F10: variants seen among roughly 807,000 people sequenced by gnomAD.
The protein encoded by F10 is Stuart-Prower factor.
A neutral mutation model predicts 37.1 loss-of-function variants in F10; 29 were observed. That is an observed-to-expected ratio of 0.78 (90% CI 0.58 to 1.07). The LOEUF (loss-of-function observed/expected upper bound fraction) is 1.07. F10 is among the 50% of genes least tolerant of loss of function. The pLI is 0.00. For missense variants in F10, 539 were observed against 667.9 expected, an observed-to-expected ratio of 0.81 and a Z score of 2.13; for synonymous variants, 262 against 268.6, an observed-to-expected ratio of 0.98 and a Z score of 0.24.
At chr13:113,142,351 C>A (rs893799097) in intron 5 of F10, among the ~76,000 whole-genome samples, 2 of 150,462 alleles carry the variant, frequency 1.3e-5, no homozygotes, top group Admixed American at 1.3e-4. Flanking sequence ...ACCATCCTGG[C>A]CAACACAGTG....
rs377156496 is a variant in F10, at chr13:113,149,522, C to T, written c.*5C>T. 3.1e-6 allele frequency: 5 copies of T among 1,612,882 alleles called. No homozygotes were observed. The highest frequency in any genetic ancestry group is 3.4e-6 in the Non-Finnish European group (4 of 1,180,052). On this transcript the variant is annotated 3_prime_UTR_variant, in exon 8 of 8. Transcript: ENST00000375559. The surrounding 1 kb of genome is among the most constrained non-coding windows in gnomAD (Gnocchi z 7.5). The stretch of plus-strand genomic sequence containing the variant: ...ACGTCCTCTCCATTAAAGTGAGATC[C>T]CACTCAAGGCCTGGTTTGTCTCTCG...
At position 113,149,178 on chromosome 13, in the gene F10, G is replaced by A. The variant is rs776625680; in HGVS notation, c.1128G>A (p.Arg376=). 12 of 1,613,008 alleles carry A rather than the reference G, an allele frequency of 7.4e-6. No individual in the cohort carries two copies. The highest frequency in any genetic ancestry group is 1.0e-5 in the Non-Finnish European group (12 of 1,180,020). ...ACGAGAAGGGCCGGCAGTCCACCAGGCTCAAGATGCTGGAGGTGCCCTACG... is the reference window on the plus strand; with the variant it reads ...ACGAGAAGGGCCGGCAGTCCACCAGACTCAAGATGCTGGAGGTGCCCTACG... ...RTHEKGRQST[R]LKMLEVPYVD... The change falls in exon 8 of 8, where the codon AGG becomes AGA. Residue 376 remains arginine, a synonymous_variant. Transcript: ENST00000375559. The surrounding 1 kb of genome is among the most constrained non-coding windows in gnomAD (Gnocchi z 7.5).
At chr13:113,131,860 A>C (rs1391288763) in intron 2 of F10, 1 of 152,326 alleles carries the variant, frequency 6.6e-6, no homozygotes. Context: ...CATAGATGAA[A>C]GCTTCCATGC....
intron 7 of F10, 69 bp downstream of exon 7, chr13:113,147,565 A>G: frequency 3.1e-6 from 3 of 953,616 alleles, no homozygotes; most frequent in Non-Finnish European, 5.2e-6. Flanking sequence ...AGAAACCACT[A>G]AAGCTGATGG....
chr13:113,129,418 C>T, intron 1 of F10, 34 bp from the exon 2 acceptor site: 4 of 1,612,618 alleles, frequency 2.5e-6, no homozygotes, highest in Non-Finnish European at 3.4e-6. Context: ...TGAGGGTGAC[C>T]AGAGCTTTTA....
In F10 at chr13:113,141,970, C is replaced by T. The variant is rs138339295; in HGVS notation, c.502+920C>T. Reference sequence around the variant, plus strand: ...GTCCCCTCCAGACACAGGTTACTCCCGAGTGTTCTGTCACTCTTCCTTTCA... The same window carrying T: ...GTCCCCTCCAGACACAGGTTACTCCTGAGTGTTCTGTCACTCTTCCTTTCA... On this transcript the variant is annotated intron_variant, in intron 5 of 7. Coordinates refer to ENST00000375559, the MANE Select transcript of F10 (RefSeq NM_000504.4). The surrounding 1 kb of genome is among the most constrained non-coding windows in gnomAD (Gnocchi z 5.4). Among the ~76,000 whole-genome samples the T allele has an allele frequency of 9.2e-5, 14 of 152,310 alleles. No homozygotes were observed. The highest frequency in any genetic ancestry group is 3.3e-4 in the Admixed American group (5 of 15,302).
intron 7 of F10, among the ~76,000 whole-genome samples, chr13:113,148,361 T>TAC (rs2036603640): frequency 2.0e-5 from 2 of 98,960 alleles, no homozygotes; most frequent in Non-Finnish European, 1.9e-5. Context: ...TATATATATA[T>TAC]ATGTATATAT....
chr13:113,126,469 A>G (rs538598596), intron 1 of F10, among the ~76,000 whole-genome samples: 3 of 152,276 alleles, frequency 2.0e-5, no homozygotes, highest in African/African-American at 7.2e-5. Flanking sequence ...ATCACAGAAC[A>G]GCGAGTTCCT....
intron 1 of F10, among the ~76,000 whole-genome samples, chr13:113,125,283 C>T (rs3212996): frequency 0.011 from 1,738 of 152,352 alleles, 19 homozygotes; most frequent in Admixed American, 0.018. Context: ...ATTAAAGCTA[C>T]GTGGCTTCAG....
At position 113,144,189 on chromosome 13, in the gene F10, C is replaced by A; in HGVS notation, c.747+94C>A. ...CAGCCTGACACTTGGAATAGCAATC[C>A]GGGAAGGAACTGTTCCGAACTAGGA... is the stretch of plus-strand genomic sequence containing the variant. On this transcript the variant is annotated intron_variant, in intron 6 of 7. Coordinates refer to ENST00000375559, the MANE Select transcript of F10 (RefSeq NM_000504.4). This position sits in a 1 kb window ranked among gnomAD's most constrained non-coding sequence, Gnocchi z 6.4. 1 of 1,578,536 alleles carries A rather than the reference C, an allele frequency of 6.3e-7. No individual in the cohort carries two copies. Among genetic ancestry groups the A allele is most frequent in the South Asian group, 1.1e-5 (1 of 89,908 alleles).
chr13:113,143,523 T>C lies in F10; in HGVS notation c.503-328T>C, dbSNP rs576277842. ...CCATTTCGCCCGGCCCGTTTGTCTCTGTCCATCCGTCAAGCTTTCTTGACT... is the reference window on the plus strand; with the variant it reads ...CCATTTCGCCCGGCCCGTTTGTCTCCGTCCATCCGTCAAGCTTTCTTGACT... On this transcript the variant is annotated intron_variant, in intron 5 of 7. Transcript: ENST00000375559. This position sits in a 1 kb window ranked among gnomAD's most constrained non-coding sequence, Gnocchi z 6.8. 3.9e-5 allele frequency among the ~76,000 whole-genome samples: 6 copies of C among 152,300 alleles called. No homozygotes were observed. The highest frequency in any genetic ancestry group is 4.1e-4 in the South Asian group (2 of 4,828).
intron 6 of F10, among the ~76,000 whole-genome samples, chr13:113,145,639 G>A (rs1439835175): frequency 6.6e-6 from 1 of 152,186 alleles, no homozygotes; most frequent in African/African-American, 2.4e-5. Context: ...AGAAAAAGAG[G>A]TTGAATGAAC....
intron 2 of F10, among the ~76,000 whole-genome samples, chr13:113,136,003 A>G (rs1173047958): frequency 6.6e-6 from 1 of 152,216 alleles, no homozygotes; most frequent in Non-Finnish European, 1.5e-5. Context: ...ATATCCAACA[A>G]AGGAATCATA....
At position 113,148,998 on chromosome 13, in the gene F10, G is replaced by C; in HGVS notation, c.948G>C (p.Lys316Asn). The change falls in exon 8 of 8, where the codon AAG becomes AAC. Residue 316 changes from lysine to asparagine, a missense_variant. By Grantham distance (94) the Lys-to-Asn change is moderately conservative. Coordinates refer to ENST00000375559, the MANE Select transcript of F10 (RefSeq NM_000504.4). ...EVVIKHNRFT[K>N]ETYDFDIAVL... is the part of the protein sequence containing the mutation. ...TCATCAAGCACAACCGGTTCACAAA[G>C]GAGACCTATGACTTCGACATCGCCG... 6.2e-7 allele frequency: 1 copy of C among 1,613,602 alleles called. No individual in the cohort carries two copies. Among genetic ancestry groups the C allele is most frequent in the Non-Finnish European group, 8.5e-7 (1 of 1,180,006 alleles).
chr13:113,141,110 G>T lies in F10; in HGVS notation c.502+60G>T. The stretch of plus-strand genomic sequence containing the variant: ...CGCTGGGCCGGGCCAGGGAGGACAA[G>T]CCCGTGCCAGGGGGTGGGGACACAG... On this transcript the variant is annotated intron_variant, in intron 5 of 7. Transcript: ENST00000375559. The surrounding 1 kb of genome is among the most constrained non-coding windows in gnomAD (Gnocchi z 5.4). 3 of 1,605,940 alleles carry T rather than the reference G, an allele frequency of 1.9e-6. No homozygotes were observed. Among genetic ancestry groups the T allele is most frequent in the Non-Finnish European group, 2.5e-6 (3 of 1,178,698 alleles).
rs551750503 is a variant in F10 at position 113,139,715 on chromosome 13, G to A, written c.370+245G>A. On this transcript the variant is annotated intron_variant, in intron 4 of 7. Coordinates refer to ENST00000375559, the MANE Select transcript of F10 (RefSeq NM_000504.4). The surrounding 1 kb of genome is among the most constrained non-coding windows in gnomAD (Gnocchi z 5.2). ...GACACAGTCACTTCTCTGCTCCTCCGAGAGAGACTGTAGAACATTGATGAA... is the reference window on the plus strand; with the variant it reads ...GACACAGTCACTTCTCTGCTCCTCCAAGAGAGACTGTAGAACATTGATGAA... 2.2e-4 allele frequency among the ~76,000 whole-genome samples: 33 copies of A among 151,562 alleles called. No individual in the cohort carries two copies. The highest frequency in any genetic ancestry group is 4.6e-4 in the Admixed American group (7 of 15,228).
rs2036585548 is a variant in F10, at chr13:113,146,689, C to T, written c.748-690C>T. ...ATGTTTTAAGAAATGTTTTAAGACT[C>T]GGTATTGTCAGTAGTTTCATTGGTC... On this transcript the variant is annotated intron_variant, in intron 6 of 7. Transcript: ENST00000375559. The surrounding 1 kb of genome is among the most constrained non-coding windows in gnomAD (Gnocchi z 4.5). Among the ~76,000 whole-genome samples the T allele has an allele frequency of 6.6e-6, 1 of 152,218 alleles. No homozygotes were observed. Among genetic ancestry groups the T allele is most frequent in the African/African-American group, 2.4e-5 (1 of 41,446 alleles).
rs1595099844 is a variant in F10 at position 113,149,398 on chromosome 13, G to A, written c.1348G>A (p.Gly450Arg). ...GGGCTGTGCCCGTAAGGGGAAGTAC[G>A]GGATCTACACCAAGGTCACCGCCTT... Reference protein sequence around the residue: ...GEGCARKGKYGIYTKVTAFLK... With the variant: ...GEGCARKGKYRIYTKVTAFLK... The change falls in exon 8 of 8, where the codon GGG becomes AGG. Residue 450 changes from glycine (G) to arginine (R), a missense_variant. By Grantham distance (125) the Gly-to-Arg change is moderately radical. This residue lies in a region of F10 where 409 missense variants were observed against 547.9 expected (regional missense o/e 0.75). Coordinates refer to ENST00000375559, the MANE Select transcript of F10 (RefSeq NM_000504.4). The surrounding 1 kb of genome is among the most constrained non-coding windows in gnomAD (Gnocchi z 7.5). 6.2e-7 allele frequency: 1 copy of A among 1,613,232 alleles called. No homozygotes were observed. The highest frequency in any genetic ancestry group is 8.5e-7 in the Non-Finnish European group (1 of 1,179,774).
intron 1 of F10, 35 bp downstream of exon 1, chr13:113,122,960 C>T (rs541896513): frequency 9.4e-6 from 15 of 1,603,328 alleles, no homozygotes; most frequent in East Asian, 8.9e-5. Flanking sequence ...CCAAAAGCAG[C>T]GCCAGGGAGC....
Sources: allele counts gnomAD v4.1 joint callset (sites outside exome capture counted in the v4.1 genomes callset), GRCh38; gene constraint gnomAD v4.1.1; regional missense constraint gnomAD v4.1.1; non-coding constraint Gnocchi (gnomAD v3.1); transcripts MANE v1.5; gene names NCBI Gene and HGNC (gene_info 2026-07-23, HGNC 2026-07-21).